Variants in HYAL1 observed in about 807,000 individuals in gnomAD.
The protein encoded by HYAL1 is hyaluronidase 1, also known as hyaluronidase-1.
A neutral mutation model predicts 28.8 loss-of-function variants in HYAL1; 21 were observed. The ratio of observed to expected loss-of-function variants is 0.73; its 90% confidence interval spans 0.52 to 1.05. The LOEUF (loss-of-function observed/expected upper bound fraction) is 1.05, where lower values mean the gene tolerates loss of function less well. Ranked by LOEUF, HYAL1 falls within the 50% of genes least tolerant of loss-of-function variation. The pLI, the probability that HYAL1 is intolerant of heterozygous loss-of-function variation, is 0.00. For missense variants in HYAL1, 491 were observed against 579.2 expected (o/e 0.85, Z 1.56); for synonymous variants, 200 against 230.1 (o/e 0.87, Z 1.18).
rs782343493 is a variant in HYAL1, at chr3:50,302,387, C to T, written c.570G>A (p.Gly190=). ...RAWMAGTLQL[G]RALRPRGLWG... ...AGAGGCCGCGAGGACGCAGTGCCCG[C>T]CCCAGCTGGAGGGTGCCTGCCATCC... Residue 190 remains glycine, a synonymous_variant, in exon 2 of 4, where the codon GGG becomes GGA. Transcript: ENST00000395144. The surrounding 1 kb of genome is among the most constrained non-coding windows in gnomAD (Gnocchi z 5.0). The T allele has an allele frequency of 1.4e-5, 23 of 1,613,694 alleles. No homozygotes were observed. In the South Asian group the frequency reaches 2.5e-4, roughly 18 times the overall value.
chr3:50,300,359 A>G lies in HYAL1; in HGVS notation c.*124T>C. 2.1e-6 allele frequency: 2 copies of G among 942,820 alleles called. No individual in the cohort carries two copies. The highest frequency in any genetic ancestry group is 3.4e-6 in the Non-Finnish European group (2 of 585,504). The allele number at this position is 942,820 out of a possible 1,614,324, so 58.4% of individuals were successfully genotyped here. On this transcript the variant is annotated 3_prime_UTR_variant, in exon 4 of 4. Transcript: ENST00000395144. Reference sequence around the variant, plus strand: ...TGTGTGTGCAGGGAATATGCCTGTGACAGTGGCTGAGTGTACTCTTTACTG... The same window carrying G: ...TGTGTGTGCAGGGAATATGCCTGTGGCAGTGGCTGAGTGTACTCTTTACTG...
At chr3:50,305,451 G>C (rs1553713875), upstream of HYAL1, among the ~76,000 whole-genome samples, 1 of 151,400 alleles carries the variant, frequency 6.6e-6, no homozygotes, top group Non-Finnish European at 1.5e-5. Context: ...CACCGTGTTA[G>C]CCAGGATGGT....
At position 50,302,029 on chromosome 3, in the gene HYAL1, C is replaced by G; in HGVS notation, c.900+28G>C. The G allele has an allele frequency of 6.2e-7, 1 of 1,612,716 alleles. No homozygotes were observed. The highest frequency in any genetic ancestry group is 8.5e-7 in the Non-Finnish European group (1 of 1,178,868). ...CCTAATATCTGACAAGGCAGGTTGA[C>G]AAGGTGGGCAGGTTACAGAAGACTC... is the stretch of plus-strand genomic sequence containing the variant. On this transcript the variant is annotated intron_variant, in intron 2 of 3. Transcript: ENST00000395144. This position sits in a 1 kb window ranked among gnomAD's most constrained non-coding sequence, Gnocchi z 5.0.
upstream of HYAL1, among the ~76,000 whole-genome samples, chr3:50,307,605 C>T (rs1275321145): frequency 8.5e-5 from 10 of 117,234 alleles, no homozygotes; most frequent in African/African-American, 2.4e-4. Flanking sequence ...GGCGTGAACC[C>T]GGGAGGCGGA....
At chr3:50,300,919 G>C (rs1343022164) in intron 3 of HYAL1, 69 bp downstream of exon 3, 11 of 1,503,566 alleles carry the variant, frequency 7.3e-6, no homozygotes, top group Non-Finnish European at 1.0e-5. Flanking sequence ...GGTAAGTCAG[G>C]GTCTACCCCG....
intron 2 of HYAL1, among the ~76,000 whole-genome samples, chr3:50,301,477 A>G (rs1483837159): frequency 2.0e-5 from 3 of 152,030 alleles, no homozygotes; most frequent in African/African-American, 7.3e-5. Context: ...TTAGCCAGAC[A>G]TGTTGATGGC....
rs1011415105 is a variant in HYAL1, at chr3:50,300,347, A to T, written c.*136T>A. ...TGTAAGTATGCATGTGTGTGCAGGG[A>T]ATATGCCTGTGACAGTGGCTGAGTG... On this transcript the variant is annotated 3_prime_UTR_variant, in exon 4 of 4. Transcript: ENST00000395144. The T allele has an allele frequency of 3.8e-5, 32 of 847,484 alleles. No individual in the cohort carries two copies. In the African/African-American group the frequency reaches 5.1e-4, roughly 14 times the overall value. The allele number at this position is 847,484 out of a possible 1,614,324, so 52.5% of individuals were successfully genotyped here. A position where few individuals can be genotyped will look rare whatever the true frequency, so the allele number is the denominator to read the frequency against.
At chr3:50,309,461 CAAAAAAA>C (rs59958240) in intron 2 of HYAL1, among the ~76,000 whole-genome samples, 1 of 60,932 alleles carries the variant, frequency 1.6e-5, no homozygotes, top group East Asian at 2.9e-4. Context: ...CAGACTCCAC[CAAAAAAA>C]AAAAAAAAAA....
At chr3:50,308,210 T>C (rs895190286), upstream of HYAL1, among the ~76,000 whole-genome samples, 9 of 151,272 alleles carry the variant, frequency 5.9e-5, no homozygotes, top group African/African-American at 2.2e-4. Context: ...CACTGCAACC[T>C]CTGCCTCCTG....
chr3:50,307,466 G>C (rs1390011326), upstream of HYAL1, among the ~76,000 whole-genome samples: 1 of 150,580 alleles, frequency 6.6e-6, no homozygotes, highest in Non-Finnish European at 1.5e-5. Context: ...GGATCACAAG[G>C]TCAGGAGATC....
At chr3:50,311,419 T>C (rs1321622333) in intron 1 of HYAL1, among the ~76,000 whole-genome samples, 5 of 113,426 alleles carry the variant, frequency 4.4e-5, no homozygotes, top group Non-Finnish European at 5.4e-5. Flanking sequence ...ACCTCCCGGA[T>C]GGGGCGGCTG....
Position 50,300,193 on chromosome 3 carries a change from T to A in HYAL1, c.*290A>T, listed in dbSNP as rs1702062257. On this transcript the variant is annotated 3_prime_UTR_variant, in exon 4 of 4. Transcript: ENST00000395144. ...ACTCAGTGAATGTCAGCCTTTGTGA[T>A]TGCTGCAGTTCAAAGACTGGCTCAG... The A allele has an allele frequency of 2.1e-6, 1 of 466,504 alleles. No homozygotes were observed. Among genetic ancestry groups the A allele is most frequent in the Admixed American group, 3.3e-5 (1 of 30,304 alleles). The allele number at this position is 466,504 out of a possible 1,614,324, so 28.9% of individuals were successfully genotyped here.
rs181209631 is a variant in HYAL1 at position 50,301,977 on chromosome 3, C to G, written c.900+80G>C. ...AAAAAAAAAAAACGAAGAAAATGTC[C>G]CAAAGCTAAAGTACCCCAAGGCTGG... is the stretch of plus-strand genomic sequence containing the variant. On this transcript the variant is annotated intron_variant, in intron 2 of 3. Transcript: ENST00000395144. 9.2e-4 allele frequency: 1,346 copies of G among 1,465,746 alleles called. 5 individuals carry two copies. The highest frequency in any genetic ancestry group is 1.7e-3 in the Middle Eastern group (10 of 5,722). The allele number at this position is 1,465,746 out of a possible 1,614,324, so 90.8% of individuals were successfully genotyped here.
chr3:50,311,377 C>T (rs1553714773), intron 1 of HYAL1, among the ~76,000 whole-genome samples: 2 of 143,058 alleles, frequency 1.4e-5, no homozygotes, highest in Admixed American at 6.8e-5. Context: ...TCCTCACTTC[C>T]CAGTAGGGGC....
In HYAL1 at chr3:50,300,709, G is replaced by A. The variant is rs370865370; in HGVS notation, c.1082C>T (p.Ala361Val). 1 of 1,614,072 alleles carries A rather than the reference G, an allele frequency of 6.2e-7. No homozygotes were observed. Among genetic ancestry groups the A allele is most frequent in the Non-Finnish European group, 8.5e-7 (1 of 1,179,994 alleles). ...ACAGCGGCCATGGCCGGAGCACAGG[G>A]CTTGACTGCAGAGAAGGGCCCCACT... ...VTSGALLCSQALCSGHGRCVR... is the reference protein window; with the variant it reads ...VTSGALLCSQVLCSGHGRCVR... Residue 361 changes from alanine (A) to valine (V), a missense_variant, in exon 4 of 4, where the codon GCC becomes GTC. By Grantham distance (64) the Ala-to-Val change is moderately conservative (BLOSUM62 0). Coordinates refer to ENST00000395144, the MANE Select transcript of HYAL1 (RefSeq NM_033159.4).
At position 50,300,806 on chromosome 3, in the gene HYAL1, T is replaced by G. The variant is rs782756651; in HGVS notation, c.991-6A>C. 3.1e-6 allele frequency: 5 copies of G among 1,612,916 alleles called. No individual in the cohort carries two copies. The African/African-American group carries it at 6.7e-5, about 22-fold the overall frequency. The stretch of plus-strand genomic sequence containing the variant: ...TTGATGGCCTGACATGATTCCTAGG[T>G]GGGAAGGGAGGATAGCGTCAGGGAC... On this transcript the variant is annotated splice_region_variant and splice_polypyrimidine_tract_variant and intron_variant, in intron 3 of 3. Transcript: ENST00000395144.
chr3:50,304,274 CAAAAAAA>C (rs1156334129), upstream of HYAL1, among the ~76,000 whole-genome samples: 1 of 2,898 alleles, frequency 3.5e-4, no homozygotes, highest in East Asian at 5.3e-3. Context: ...GACTCCATCT[CAAAAAAA>C]AAAAAAAAAA....
At position 50,302,489 on chromosome 3, in the gene HYAL1, C is replaced by T; in HGVS notation, c.468G>A (p.Gln156=). ...IYRQRSRALV[Q]AQHPDWPAPQ... is the part of the protein sequence containing the mutation. Reference sequence around the variant, plus strand: ...GAGCTGGCCAATCAGGGTGCTGTGCCTGTACCAGTGCCCGTGAGCGCTGCC... The same window carrying T: ...GAGCTGGCCAATCAGGGTGCTGTGCTTGTACCAGTGCCCGTGAGCGCTGCC... Residue 156 remains glutamine, a synonymous_variant, in exon 2 of 4, where the codon CAG becomes CAA. Coordinates refer to ENST00000395144, the MANE Select transcript of HYAL1 (RefSeq NM_033159.4). The surrounding 1 kb of genome is among the most constrained non-coding windows in gnomAD (Gnocchi z 5.0). 1 of 1,614,168 alleles carries T rather than the reference C, an allele frequency of 6.2e-7. No individual in the cohort carries two copies. Among genetic ancestry groups the T allele is most frequent in the Middle Eastern group, 1.6e-4 (1 of 6,062 alleles).
chr3:50,300,478 G>A lies in HYAL1; in HGVS notation c.*5C>T, dbSNP rs2109301694. The A allele has an allele frequency of 6.2e-7, 1 of 1,614,062 alleles. No individual in the cohort carries two copies. The highest frequency in any genetic ancestry group is 1.3e-5 in the African/African-American group (1 of 75,038). Reference sequence around the variant, plus strand: ...CTCAATATGTGCAACTCAGTGTGTGGCCAATCACCACATGCTCTTCCGCTC... The same window carrying A: ...CTCAATATGTGCAACTCAGTGTGTGACCAATCACCACATGCTCTTCCGCTC... On this transcript the variant is annotated 3_prime_UTR_variant, in exon 4 of 4. Coordinates refer to ENST00000395144, the MANE Select transcript of HYAL1 (RefSeq NM_033159.4).
Sources: gnomAD v4.1 joint callset for allele counts (sites outside exome capture counted in the v4.1 genomes callset) on GRCh38, gnomAD v4.1.1 for gene constraint, Gnocchi (gnomAD v3.1) non-coding constraint, MANE v1.5 for transcripts, NCBI Gene and HGNC (gene_info 2026-07-23, HGNC 2026-07-21) for gene names.